The following PPIL6 variants were observed in gnomAD, a reference collection of about 807,000 sequenced individuals.
The protein encoded by PPIL6 is probable inactive peptidyl-prolyl cis-trans isomerase-like 6.
A neutral mutation model predicts 36.8 loss-of-function variants in PPIL6; 39 were observed. The ratio of observed to expected loss-of-function variants is 1.06; its 90% CI spans 0.82 to 1.38. PPIL6 has a LOEUF of 1.38. Among genes scored for constraint, PPIL6 ranks in the 40% most tolerant of loss-of-function variants. PPIL6 has a pLI of 0.00. For synonymous variants in PPIL6, 123 were observed against 134.1 expected, an observed-to-expected ratio of 0.92 and a Z score of 0.57; for missense variants, 368 against 379.1, an observed-to-expected ratio of 0.97 and a Z score of 0.24.
intron 2 of PPIL6, among the ~76,000 whole-genome samples, chr6:109,432,256 G>T (rs1460732709): frequency 6.6e-6 from 1 of 152,050 alleles, no homozygotes; most frequent in African/African-American, 2.4e-5. Context: ...GACTTACGAG[G>T]GTCAACAGGG....
chr6:109,424,973 C>T (rs1773738773), intron 5 of PPIL6, among the ~76,000 whole-genome samples: 1 of 152,186 alleles, frequency 6.6e-6, no homozygotes, highest in African/African-American at 2.4e-5. Context: ...TCCTAATAAA[C>T]TTACTTTCAC....
intron 6 of PPIL6, among the ~76,000 whole-genome samples, chr6:109,417,042 C>A (rs1207894373): frequency 6.6e-6 from 1 of 151,770 alleles, no homozygotes; most frequent in Non-Finnish European, 1.5e-5. Context: ...TGGTGGCATG[C>A]ACCTGTAGTC....
chr6:109,408,237 T>C (rs938245535), intron 6 of PPIL6, among the ~76,000 whole-genome samples: 3 of 152,232 alleles, frequency 2.0e-5, no homozygotes, highest in Non-Finnish European at 4.4e-5. Context: ...CATTTTCTTC[T>C]GGCATAAAGT....
chr6:109,413,988 G>C lies in PPIL6; in HGVS notation c.688+5199C>G, dbSNP rs975136012. Among the ~76,000 whole-genome samples the C allele has an allele frequency of 2.0e-4, 30 of 152,078 alleles. No individual in the cohort carries two copies. Among genetic ancestry groups the C allele is most frequent in the African/African-American group, 6.5e-4 (27 of 41,374 alleles). ...GGGAAGGGTAGTGAGGGTTAAAGGA[G>C]GGTGGTGAGGATGGTTAATAGGCAC... On this transcript the variant is annotated intron_variant, in intron 6 of 7. Transcript: ENST00000521072. This position sits in a 1 kb window ranked among gnomAD's most constrained non-coding sequence, Gnocchi z 4.6.
chr6:109,399,343 G>A (rs974881128), intron 7 of PPIL6, among the ~76,000 whole-genome samples: 2 of 151,364 alleles, frequency 1.3e-5, no homozygotes, highest in Admixed American at 6.6e-5. Flanking sequence ...TTCTGCCCTC[G>A]AGTGATCTGC....
chr6:109,429,351 T>C (rs1774000853), intron 3 of PPIL6, among the ~76,000 whole-genome samples: 1 of 152,264 alleles, frequency 6.6e-6, no homozygotes, highest in Admixed American at 6.5e-5. Flanking sequence ...AAAGCTCTGT[T>C]GGTTCAGTTT....
chr6:109,438,717 T>C (rs1774597215), intron 1 of PPIL6, among the ~76,000 whole-genome samples: 1 of 151,568 alleles, frequency 6.6e-6, no homozygotes, highest in Non-Finnish European at 1.5e-5. Flanking sequence ...GCTTCCCGAG[T>C]AGCTGGGATT....
intron 1 of PPIL6, among the ~76,000 whole-genome samples, chr6:109,437,301 A>G (rs1774498357): frequency 6.6e-6 from 1 of 152,236 alleles, no homozygotes; most frequent in Non-Finnish European, 1.5e-5. Context: ...TGCTAGGGAC[A>G]GTGCTTGGAG....
At position 109,391,033 on chromosome 6, in the gene PPIL6, A is replaced by C. The variant is rs1289681554; in HGVS notation, c.*1793T>G. 1 of 152,138 alleles carries C rather than the reference A, an allele frequency of 6.6e-6. No homozygotes were observed. Among genetic ancestry groups the C allele is most frequent in the Non-Finnish European group, 1.5e-5 (1 of 68,082 alleles). The allele number at this position is 152,138 out of a possible 1,614,324, so 9.4% of individuals were successfully genotyped here. A position where few individuals can be genotyped will look rare whatever the true frequency, so the allele number is the denominator to read the frequency against. Reference sequence around the variant, plus strand: ...CGGGTGCGGTGGCTCACGCCTTTGTAATCTCAGCACTTTGGGAGGCCGAGG... The same window carrying C: ...CGGGTGCGGTGGCTCACGCCTTTGTCATCTCAGCACTTTGGGAGGCCGAGG... On this transcript the variant is annotated 3_prime_UTR_variant, in exon 8 of 8. Coordinates refer to ENST00000521072, the MANE Select transcript of PPIL6 (RefSeq NM_173672.5).
intron 5 of PPIL6, among the ~76,000 whole-genome samples, chr6:109,422,413 G>A (rs1315059107): frequency 1.3e-5 from 2 of 152,170 alleles, no homozygotes; most frequent in Non-Finnish European, 2.9e-5. Context: ...GCAACATACA[G>A]AGACCCTGTC....
chr6:109,410,360 A>T (rs1437401677), intron 6 of PPIL6, among the ~76,000 whole-genome samples: 1 of 152,162 alleles, frequency 6.6e-6, no homozygotes, highest in Non-Finnish European at 1.5e-5. Context: ...TTGGTCCAGT[A>T]TGGGTGGGAA....
chr6:109,396,333 A>C (rs143492307), intron 7 of PPIL6, among the ~76,000 whole-genome samples: 1 of 152,102 alleles, frequency 6.6e-6, no homozygotes, highest in Non-Finnish European at 1.5e-5. Context: ...AAATTCTCCC[A>C]TGGCCCCCAT....
intron 6 of PPIL6, among the ~76,000 whole-genome samples, chr6:109,415,618 T>C (rs905698095): frequency 1.8e-4 from 27 of 152,202 alleles, no homozygotes; most frequent in African/African-American, 6.5e-4. Flanking sequence ...TGGGCACAAT[T>C]TTCTCCAGCG....
intron 6 of PPIL6, among the ~76,000 whole-genome samples, chr6:109,407,491 G>A (rs4361645): frequency 0.029 from 4,450 of 152,030 alleles, 227 homozygotes; most frequent in African/African-American, 0.1. Context: ...TGCCCGCCTC[G>A]GCCTCCCAAG....
Position 109,440,606 on chromosome 6 carries a change from C to T in PPIL6, c.-16G>A. The T allele has an allele frequency of 7.5e-7, 1 of 1,326,238 alleles. No individual in the cohort carries two copies. Among genetic ancestry groups the T allele is most frequent in the African/African-American group, 1.6e-5 (1 of 64,024 alleles). 82.2% of individuals were successfully genotyped at this position (1,326,238 alleles called of 1,614,324 possible). On this transcript the variant is annotated 5_prime_UTR_variant, in exon 1 of 8. Coordinates refer to ENST00000521072, the MANE Select transcript of PPIL6 (RefSeq NM_173672.5). ...GCCTTGCCATGGCCGCGCCCGGGGACGCCCGGTGACCCCAAACACTGCGCG... is the reference window on the plus strand; with the variant it reads ...GCCTTGCCATGGCCGCGCCCGGGGATGCCCGGTGACCCCAAACACTGCGCG...
intron 5 of PPIL6, 116 bp from the exon 6 acceptor site, chr6:109,419,359 T>G (rs948493118): frequency 3.0e-6 from 2 of 666,384 alleles, no homozygotes; most frequent in Admixed American, 2.3e-5. Flanking sequence ...GGTGGGATGA[T>G]CACTGGAGCC....
intron 2 of PPIL6, among the ~76,000 whole-genome samples, chr6:109,432,460 G>C (rs1774209815): frequency 6.6e-6 from 1 of 152,076 alleles, no homozygotes; most frequent in African/African-American, 2.4e-5. Flanking sequence ...GTACCAGCCA[G>C]GCAAACCATG....
At chr6:109,408,603 G>T (rs1056699655) in intron 6 of PPIL6, among the ~76,000 whole-genome samples, 2 of 152,066 alleles carry the variant, frequency 1.3e-5, no homozygotes, top group African/African-American at 4.8e-5. Context: ...TGATCAGTTT[G>T]ATGCTGTATA....
rs1190178684 is a variant in PPIL6 at position 109,431,236 on chromosome 6, T to A, written c.341A>T (p.Asp114Val). 6.2e-7 allele frequency: 1 copy of A among 1,613,592 alleles called. No homozygotes were observed. The highest frequency in any genetic ancestry group is 1.7e-5 in the Admixed American group (1 of 59,968). Residue 114 changes from aspartate to valine, a missense_variant, in exon 3 of 8, where the codon GAT (aspartate) becomes GTT (valine). By Grantham distance (152) the Asp-to-Val change is radical (BLOSUM62 -3). Transcript: ENST00000521072. The stretch of plus-strand genomic sequence containing the variant: ...TGCAGAGGGTTTAATGTCAACTATA[T>A]CCCACACCTCGTGGGCCCATTTCTG... ...DLQKWAHEVWDIVDIKPSALY... is the reference protein window; with the variant it reads ...DLQKWAHEVWVIVDIKPSALY...
Sources: allele counts gnomAD v4.1 joint callset (sites outside exome capture counted in the v4.1 genomes callset), GRCh38; gene constraint gnomAD v4.1.1; non-coding constraint Gnocchi (gnomAD v3.1); transcripts MANE v1.5; gene names NCBI Gene and HGNC (gene_info 2026-07-23, HGNC 2026-07-21).